LRTM1: variants seen among roughly 807,000 people sequenced by gnomAD.
The protein encoded by LRTM1 is leucine-rich repeat and transmembrane domain-containing protein 1.
In LRTM1, 38 loss-of-function variants were observed where a neutral mutation model predicts 32.4. The observed-to-expected ratio is 1.17, with a 90% CI of 0.91 to 1.54. The LOEUF (loss-of-function observed/expected upper bound fraction) is 1.54. LRTM1 is among the 40% of genes most tolerant of loss of function. LRTM1 has a pLI of 0.00. For missense variants in LRTM1, 466 were observed against 415.4 expected, an observed-to-expected ratio of 1.12 and a Z score of -1.06; for synonymous variants, 186 against 169.9, an observed-to-expected ratio of 1.09 and a Z score of -0.74.
At chr3:54,921,035 ACT>A (rs1196448810) in intron 2 of LRTM1, among the ~76,000 whole-genome samples, 1 of 152,038 alleles carries the variant, frequency 6.6e-6, no homozygotes, top group Non-Finnish European at 1.5e-5. Flanking sequence ...TGCAACTCCC[ACT>A]CTCCACCATT....
intron 1 of LRTM1, among the ~76,000 whole-genome samples, chr3:54,949,629 G>A (rs927082242): frequency 6.6e-6 from 1 of 152,174 alleles, no homozygotes; most frequent in Non-Finnish European, 1.5e-5. Context: ...CAAGCGCATT[G>A]GTCACTTATT....
At position 54,946,835 on chromosome 3, in the gene LRTM1, T is replaced by C. The variant is rs557251110; in HGVS notation, c.-222+20093A>G. Among the ~76,000 whole-genome samples, 29 of 148,532 alleles carry C rather than the reference T, an allele frequency of 2.0e-4. 1 individual carries two copies. In the East Asian group the frequency reaches 5.5e-3, roughly 28 times the overall value. On this transcript the variant is annotated intron_variant, in intron 1 of 2. Coordinates refer to the LRTM1 transcript ENST00000493075. Reference sequence around the variant, plus strand: ...GGTTTATTAAAAAAAAAAAAAATGATGGGACCATTTAGTCCCTGACTGAGA... The same window carrying C: ...GGTTTATTAAAAAAAAAAAAAATGACGGGACCATTTAGTCCCTGACTGAGA...
chr3:54,948,167 A>G (rs972286664), intron 1 of LRTM1, among the ~76,000 whole-genome samples: 19 of 152,146 alleles, frequency 1.2e-4, no homozygotes, highest in Admixed American at 9.2e-4. Flanking sequence ...TCTCACCCCC[A>G]GCTCACTTTC....
chr3:54,943,488 GATTA>G, intron 1 of LRTM1, among the ~76,000 whole-genome samples: 2 of 152,156 alleles, frequency 1.3e-5, no homozygotes, highest in Middle Eastern at 6.8e-3. Flanking sequence ...CATTGTTCTT[GATTA>G]ATTAGTCAGC....
intron 1 of LRTM1, among the ~76,000 whole-genome samples, chr3:54,938,627 C>T (rs1185801255): frequency 6.6e-6 from 1 of 151,816 alleles, no homozygotes; most frequent in East Asian, 1.9e-4. Flanking sequence ...TTACCCCCAC[C>T]CCCAAATTAT....
At chr3:54,960,994 T>A (rs970891415) in intron 1 of LRTM1, among the ~76,000 whole-genome samples, 3 of 152,244 alleles carry the variant, frequency 2.0e-5, no homozygotes, top group African/African-American at 7.2e-5. Flanking sequence ...AACCCTGGGT[T>A]AATCATGAAA....
rs770845008 is a variant in LRTM1 at position 54,918,442 on chromosome 3, A to G, written c.*17T>C. ...CTTCTGGCCTGCAATGACCAATCCT[A>G]TTTGAGACAAAAGCTCTCAGGCTGG... is the stretch of plus-strand genomic sequence containing the variant. On this transcript the variant is annotated 3_prime_UTR_variant, in exon 3 of 3. Coordinates refer to ENST00000273286, the MANE Select transcript of LRTM1 (RefSeq NM_020678.4). The G allele has an allele frequency of 2.7e-5, 44 of 1,602,422 alleles. No individual in the cohort carries two copies. The Middle Eastern group carries it at 5.0e-4, about 18-fold the overall frequency.
intron 2 of LRTM1, among the ~76,000 whole-genome samples, chr3:54,919,780 G>A (rs551105013): frequency 1.6e-4 from 24 of 152,340 alleles, no homozygotes; most frequent in African/African-American, 5.8e-4. Context: ...ACAAAGCACT[G>A]TTAGATAAGT....
At chr3:54,960,190 A>C (rs1025379531) in intron 1 of LRTM1, among the ~76,000 whole-genome samples, 1 of 152,142 alleles carries the variant, frequency 6.6e-6, no homozygotes. Context: ...GGATGGTTAC[A>C]GATTAAAATA....
chr3:54,929,529 C>G (rs1701131258), upstream of LRTM1, among the ~76,000 whole-genome samples: 1 of 152,156 alleles, frequency 6.6e-6, no homozygotes, highest in Non-Finnish European at 1.5e-5. Flanking sequence ...ACTCTTTCAT[C>G]CTTTGGCCAA....
At chr3:54,946,134 C>T (rs1253603767) in intron 1 of LRTM1, among the ~76,000 whole-genome samples, 2 of 152,208 alleles carry the variant, frequency 1.3e-5, no homozygotes, top group Non-Finnish European at 2.9e-5. Flanking sequence ...GAAAGACTCT[C>T]AGTTCTATGG....
rs1575372630 is a variant in LRTM1, at chr3:54,918,871, A to T, written c.626T>A (p.Ile209Asn). 6.4e-7 allele frequency: 1 copy of T among 1,552,352 alleles called. No homozygotes were observed. ...CTTCCAGGTGTCTGGTGATTCACAGATGATGCCGTCTGTTAGTCCCCCTTT... is the reference window on the plus strand; with the variant it reads ...CTTCCAGGTGTCTGGTGATTCACAGTTGATGCCGTCTGTTAGTCCCCCTTT... ...VYKGGLTDGI[I>N]CESPDTWKGK... Residue 209 changes from isoleucine to asparagine, a missense_variant, in exon 3 of 3, where the codon ATC becomes AAC. Transcript: ENST00000273286.
chr3:54,937,576 G>C (rs1008069834), intron 1 of LRTM1, among the ~76,000 whole-genome samples: 1 of 152,180 alleles, frequency 6.6e-6, no homozygotes, highest in Admixed American at 6.5e-5. Context: ...AAAAAGTACA[G>C]CCATTAAAAG....
chr3:54,927,511 A>G (rs572162247), intron 1 of LRTM1, among the ~76,000 whole-genome samples: 1 of 152,204 alleles, frequency 6.6e-6, no homozygotes, highest in Non-Finnish European at 1.5e-5. Flanking sequence ...TTCTTAAACC[A>G]GAGAACATGT....
chr3:54,932,290 A>G (rs544948606), upstream of LRTM1, among the ~76,000 whole-genome samples: 1 of 152,328 alleles, frequency 6.6e-6, no homozygotes, highest in Non-Finnish European at 1.5e-5. Context: ...TAGGAAGCAT[A>G]TTGTATAATC....
In LRTM1 at chr3:54,925,150, A is replaced by C; in HGVS notation, c.73T>G (p.Cys25Gly). Residue 25 changes from cysteine to glycine, a missense_variant, in exon 2 of 3, where the codon TGT becomes GGT. Physicochemically the swap from Cys to Gly is radical, Grantham distance 159. Coordinates refer to ENST00000273286, the MANE Select transcript of LRTM1 (RefSeq NM_020678.4). Reference sequence around the variant, plus strand: ...AAATTTGTAGATGACTGACAGTAACACTTGTCCGGGCAGCTGCATACCACC... The same window carrying C: ...AAATTTGTAGATGACTGACAGTAACCCTTGTCCGGGCAGCTGCATACCACC... ...LQVVCSCPDK[C>G]YCQSSTNFVD... 6.2e-7 allele frequency: 1 copy of C among 1,614,072 alleles called. No individual in the cohort carries two copies. Among genetic ancestry groups the C allele is most frequent in the East Asian group, 2.2e-5 (1 of 44,866 alleles).
chr3:54,924,955 C>T lies in LRTM1; in HGVS notation c.268G>A (p.Ala90Thr). 1 of 1,611,030 alleles carries T rather than the reference C, an allele frequency of 6.2e-7. No homozygotes were observed. Among genetic ancestry groups the T allele is most frequent in the South Asian group, 1.1e-5 (1 of 91,038 alleles). ...TGAAGCCCATGGAAAGCTCCAGGGG[C>T]CAGATTTGAAAGGGAATTGTTGGAC... ...NLSNNSLSNL[A>T]PGAFHGLQHL... is the part of the protein sequence containing the mutation. The change falls in exon 2 of 3, where the codon GCC (alanine) becomes ACC (threonine). Residue 90 changes from alanine (A) to threonine (T), a missense_variant. Transcript: ENST00000273286.
chr3:54,925,593 G>A (rs1700990964), intron 1 of LRTM1, among the ~76,000 whole-genome samples: 1 of 152,196 alleles, frequency 6.6e-6, no homozygotes, highest in Non-Finnish European at 1.5e-5. Flanking sequence ...AAGAGTGTTA[G>A]AGGATTTCAG....
chr3:54,953,219 G>A (rs541404353), intron 1 of LRTM1, among the ~76,000 whole-genome samples: 1 of 152,280 alleles, frequency 6.6e-6, no homozygotes, highest in South Asian at 2.1e-4. Context: ...TATAAGGTGT[G>A]CATGACTCCT....
Sources: allele counts gnomAD v4.1 joint callset (sites outside exome capture counted in the v4.1 genomes callset), GRCh38; gene constraint gnomAD v4.1.1; transcripts MANE v1.5; gene names NCBI Gene and HGNC (gene_info 2026-07-23, HGNC 2026-07-21).